POU2F2: variants seen among roughly 807,000 people sequenced by gnomAD.
The protein encoded by POU2F2 is POU domain, class 2, transcription factor 2.
In POU2F2, 14 loss-of-function variants were observed where a neutral mutation model predicts 63.5. The observed-to-expected ratio is 0.22, with a 90% CI of 0.15 to 0.34. POU2F2 has a LOEUF of 0.34. Ranked by LOEUF, POU2F2 falls within the 10% of genes least tolerant of loss-of-function variation. The probability of loss-of-function intolerance (pLI) is 1.00; values close to 1 mark genes in which losing one functional copy is unlikely to be tolerated. For missense variants in POU2F2, 607 were observed against 815.2 expected, an observed-to-expected ratio of 0.74 and a Z score of 3.11; for synonymous variants, 306 against 348.6, an observed-to-expected ratio of 0.88 and a Z score of 1.36.
At chr19:42,091,997 G>A in intron 13 of POU2F2, 57 bp from the exon 14 acceptor site, 1 of 1,537,872 alleles carries the variant, frequency 6.5e-7, no homozygotes. Flanking sequence ...ACATAACTGG[G>A]GTGCCGCTCC....
intron 1 of POU2F2, among the ~76,000 whole-genome samples, chr19:42,185,392 A>C (rs1038988188): frequency 6.6e-6 from 1 of 151,486 alleles, no homozygotes; most frequent in Non-Finnish European, 1.5e-5. Flanking sequence ...TGATCAAATC[A>C]CTCCCCTGCT....
Position 42,092,176 on chromosome 19 carries a change from G to A in POU2F2, c.1359C>T (p.Ser453=), listed in dbSNP as rs1381667301. 4.4e-6 allele frequency: 7 copies of A among 1,573,112 alleles called. No homozygotes were observed. The highest frequency in any genetic ancestry group is 6.0e-6 in the Non-Finnish European group (7 of 1,162,730). ...GGGGTGGGGGAGTGACAGAGGGGAT[G>A]GAATTGAGGGGGGGCGCAGCCCCGC... ...GGGGAAPPLN[S]IPSVTPPPPA... is the part of the protein sequence containing the mutation. The change falls in exon 13 of 15, where the codon TCC becomes TCT. Residue 453 remains serine (S), a synonymous_variant. Coordinates refer to ENST00000692977, the MANE Select transcript of POU2F2 (RefSeq NM_001394376.1). This position sits in a 1 kb window ranked among gnomAD's most constrained non-coding sequence, Gnocchi z 5.0.
At chr19:42,186,902 G>A (rs535572902) in intron 1 of POU2F2, among the ~76,000 whole-genome samples, 1 of 152,202 alleles carries the variant, frequency 6.6e-6, no homozygotes, top group Admixed American at 6.5e-5. Flanking sequence ...GAACTTATTC[G>A]ACAAAGTTCT....
intron 1 of POU2F2, among the ~76,000 whole-genome samples, chr19:42,128,747 T>C (rs755517668): frequency 9.2e-5 from 14 of 152,166 alleles, no homozygotes; most frequent in Non-Finnish European, 1.3e-4. Flanking sequence ...TAGAAAAATA[T>C]TGATGCCTGT....
chr19:42,150,584 G>A, intron 2 of POU2F2, among the ~76,000 whole-genome samples: 1 of 147,234 alleles, frequency 6.8e-6, no homozygotes, highest in East Asian at 2.1e-4. Flanking sequence ...GGAGGGCTCA[G>A]CGCAGAGGCC....
chr19:42,194,809 G>A (rs1363186688), intron 1 of POU2F2, among the ~76,000 whole-genome samples: 1 of 129,266 alleles, frequency 7.7e-6, no homozygotes, highest in African/African-American at 2.9e-5. Flanking sequence ...AGGGAGGGAG[G>A]AAGAAGGAAG....
intron 1 of POU2F2, among the ~76,000 whole-genome samples, chr19:42,130,774 C>A (rs550562820): frequency 1.3e-5 from 2 of 151,520 alleles, no homozygotes; most frequent in Non-Finnish European, 2.9e-5. Context: ...TCAGACACCC[C>A]CTTCCTCCAG....
chr19:42,178,092 G>A (rs1202369357), upstream of POU2F2, among the ~76,000 whole-genome samples: 1 of 152,080 alleles, frequency 6.6e-6, no homozygotes, highest in Non-Finnish European at 1.5e-5. Flanking sequence ...GGGACATGGA[G>A]GCAGAGAGAT....
chr19:42,157,380 G>T (rs1485582329), intron 2 of POU2F2: 2 of 152,186 alleles, frequency 1.3e-5, no homozygotes, highest in Non-Finnish European at 2.9e-5. Context: ...TGGTGTCTGT[G>T]CCTGAACCCC....
intron 1 of POU2F2, among the ~76,000 whole-genome samples, chr19:42,184,297 T>C (rs867662233): frequency 2.6e-5 from 4 of 152,136 alleles, no homozygotes; most frequent in African/African-American, 9.7e-5. Flanking sequence ...GGGCCAAGAC[T>C]GGGGATTTCT....
At chr19:42,114,702 A>T (rs2031620526) in intron 5 of POU2F2, among the ~76,000 whole-genome samples, 1 of 152,168 alleles carries the variant, frequency 6.6e-6, no homozygotes, top group African/African-American at 2.4e-5. Context: ...CTTACAGAAT[A>T]ATCTGGGGCA....
intron 4 of POU2F2, among the ~76,000 whole-genome samples, chr19:42,119,332 T>G (rs1310439166): frequency 5.9e-5 from 9 of 151,908 alleles, no homozygotes; most frequent in Non-Finnish European, 1.2e-4. Flanking sequence ...AGTCATACAT[T>G]GAAGATCTAT....
At chr19:42,166,329 TC>T (rs1321740299) in intron 1 of POU2F2, among the ~76,000 whole-genome samples, 1 of 152,024 alleles carries the variant, frequency 6.6e-6, no homozygotes, top group Non-Finnish European at 1.5e-5. Flanking sequence ...TTTTTTTTTT[TC>T]CTCCGTTTTT....
intron 1 of POU2F2, among the ~76,000 whole-genome samples, chr19:42,188,796 G>A (rs1379349855): frequency 7.1e-6 from 1 of 141,318 alleles, no homozygotes; most frequent in Non-Finnish European, 1.5e-5. Context: ...AAAGGGAGAG[G>A]GAAAGAAAGA....
intron 1 of POU2F2, among the ~76,000 whole-genome samples, chr19:42,194,737 C>A (rs1453359880): frequency 2.1e-5 from 2 of 97,010 alleles, no homozygotes; most frequent in Non-Finnish European, 3.6e-5. Context: ...CCAGCCTGGG[C>A]AACAGAGTGA....
chr19:42,095,983 T>C lies in POU2F2; in HGVS notation c.730-54A>G. On this transcript the variant is annotated intron_variant, in intron 8 of 14. Coordinates refer to ENST00000692977, the MANE Select transcript of POU2F2 (RefSeq NM_001394376.1). The surrounding 1 kb of genome is among the most constrained non-coding windows in gnomAD (Gnocchi z 7.1). ...AAGTCAGGGTGGGGCCTTCCGGCAC[T>C]GGGCCCGCTCCGCCCGCCCACTGGC... The C allele has an allele frequency of 6.3e-7, 1 of 1,591,240 alleles. No individual in the cohort carries two copies. The highest frequency in any genetic ancestry group is 8.6e-7 in the Non-Finnish European group (1 of 1,168,106).
rs2077216243 is a variant in POU2F2 at position 42,103,440 on chromosome 19, G to A, written c.370-3619C>T. On this transcript the variant is annotated intron_variant, in intron 5 of 14. Coordinates refer to ENST00000692977, the MANE Select transcript of POU2F2 (RefSeq NM_001394376.1). ...AGACTGATGCTTCATCATTTACTTG[G>A]CAAATTTTATGTAAAGTTGAAAGCT... 1.3e-5 allele frequency among the ~76,000 whole-genome samples: 2 copies of A among 152,034 alleles called. 1 individual carries two copies. Among genetic ancestry groups the A allele is most frequent in the South Asian group, 4.1e-4 (2 of 4,820 alleles).
chr19:42,173,719 C>A (rs1449684620), intron 1 of POU2F2, among the ~76,000 whole-genome samples: 4 of 152,114 alleles, frequency 2.6e-5, no homozygotes, highest in African/African-American at 7.2e-5. Context: ...ATTTTCCCTG[C>A]AAAGACTAGC....
intron 2 of POU2F2, among the ~76,000 whole-genome samples, chr19:42,139,155 C>T (rs953877999): frequency 6.6e-6 from 1 of 152,056 alleles, no homozygotes; most frequent in African/African-American, 2.4e-5. Flanking sequence ...CCCATCTCTA[C>T]TGAAAAATAC....
Sources: gnomAD v4.1 joint callset for allele counts (sites outside exome capture counted in the v4.1 genomes callset) on GRCh38, gnomAD v4.1.1 for gene constraint, Gnocchi (gnomAD v3.1) non-coding constraint, MANE v1.5 for transcripts, NCBI Gene and HGNC (gene_info 2026-07-23, HGNC 2026-07-21) for gene names.